The following FILIP1 variants were observed in gnomAD, a reference collection of about 807,000 sequenced individuals.
FILIP1 encodes the protein filamin-A-interacting protein 1.
Under a neutral mutation model 102.1 loss-of-function variants are expected in FILIP1, and 61 were observed. The ratio of observed to expected loss-of-function variants is 0.60; its 90% CI spans 0.49 to 0.74. The LOEUF is 0.74. Among genes scored for constraint, FILIP1 ranks in the 30% least tolerant of loss-of-function variants. The pLI is 0.00. For synonymous variants in FILIP1, 491 were observed against 526.9 expected, an observed-to-expected ratio of 0.93 and a Z score of 0.93; for missense variants, 1,314 against 1,441.2, an observed-to-expected ratio of 0.91 and a Z score of 1.43.
rs548382509 is a variant in FILIP1, at chr6:75,442,501, C to T, written c.-6-27523G>A. Among the ~76,000 whole-genome samples, 592 of 152,168 alleles carry T rather than the reference C, an allele frequency of 3.9e-3. 3 individuals are homozygous for T. The highest frequency in any genetic ancestry group is 0.014 in the African/African-American group (563 of 41,514). ...GTGAACCAGACTCCGTCTGCAATCC[C>T]GGCACCTCGGGAGGCCGAGGCTGGC... On this transcript the variant is annotated intron_variant, in intron 1 of 5. Transcript: ENST00000237172.
At chr6:75,369,443 CTTA>C in intron 2 of FILIP1, among the ~76,000 whole-genome samples, 1 of 152,158 alleles carries the variant, frequency 6.6e-6, no homozygotes, top group Non-Finnish European at 1.5e-5. Flanking sequence ...CATAAATGGG[CTTA>C]TTATGCTCAG....
At chr6:75,409,779 T>C (rs558378822) in intron 2 of FILIP1, among the ~76,000 whole-genome samples, 1 of 152,232 alleles carries the variant, frequency 6.6e-6, no homozygotes, top group African/African-American at 2.4e-5. Flanking sequence ...TTTCAGATTT[T>C]TGCATTCTGG....
At chr6:75,454,291 T>C (rs1778745227) in intron 1 of FILIP1, among the ~76,000 whole-genome samples, 1 of 152,158 alleles carries the variant, frequency 6.6e-6, no homozygotes, top group South Asian at 2.1e-4. Context: ...GAACCCTACA[T>C]CTCAACACCA....
chr6:75,382,178 G>C (rs1775924884), intron 2 of FILIP1, among the ~76,000 whole-genome samples: 1 of 152,100 alleles, frequency 6.6e-6, no homozygotes, highest in Non-Finnish European at 1.5e-5. Context: ...TTTTTCAATA[G>C]CTTCCTTAAA....
intron 1 of FILIP1, among the ~76,000 whole-genome samples, chr6:75,445,280 C>T (rs1778407820): frequency 6.6e-6 from 1 of 152,140 alleles, no homozygotes; most frequent in Non-Finnish European, 1.5e-5. Context: ...AAACTTCTTA[C>T]TCTTACAAGA....
chr6:75,332,806 A>G (rs1232045637), intron 4 of FILIP1, among the ~76,000 whole-genome samples: 2 of 152,148 alleles, frequency 1.3e-5, no homozygotes, highest in African/African-American at 2.4e-5. Context: ...CACACAGAAC[A>G]TAACAGGAGG....
chr6:75,423,954 G>A (rs545666642), intron 1 of FILIP1, among the ~76,000 whole-genome samples: 185 of 152,236 alleles, frequency 1.2e-3, no homozygotes, highest in African/African-American at 4.2e-3. Flanking sequence ...ATAAAGATGT[G>A]TTTGAGCTTA....
chr6:75,317,237 T>A (rs2149555703), intron 4 of FILIP1, among the ~76,000 whole-genome samples: 1 of 152,332 alleles, frequency 6.6e-6, no homozygotes. Context: ...TTAACCCATT[T>A]ATGCTGGAGG....
intron 5 of FILIP1, among the ~76,000 whole-genome samples, chr6:75,309,579 G>A (rs1773109689): frequency 6.6e-6 from 1 of 152,082 alleles, no homozygotes; most frequent in Admixed American, 6.5e-5. Context: ...CAAACCCTGG[G>A]ATCCCTAGGC....
intron 1 of FILIP1, among the ~76,000 whole-genome samples, chr6:75,456,717 G>C (rs1049516366): frequency 6.6e-6 from 1 of 151,758 alleles, no homozygotes; most frequent in Non-Finnish European, 1.5e-5. Context: ...ATGCCACCAC[G>C]CCCAGCTAAT....
chr6:75,480,225 T>C (rs1779610178), intron 1 of FILIP1, among the ~76,000 whole-genome samples: 1 of 151,220 alleles, frequency 6.6e-6, no homozygotes, highest in Non-Finnish European at 1.5e-5. Context: ...GAATAATTCA[T>C]ATTTCCAGTA....
chr6:75,362,535 TG>T (rs1775201893), intron 3 of FILIP1, among the ~76,000 whole-genome samples: 1 of 152,232 alleles, frequency 6.6e-6, no homozygotes, highest in Non-Finnish European at 1.5e-5. Context: ...TTTCAGGCTT[TG>T]GTATGTTTAA....
In FILIP1 at chr6:75,308,281, T is replaced by C. The variant is rs1261318462; in HGVS notation, c.*410A>G. The C allele has an allele frequency of 2.0e-6, 2 of 993,690 alleles. No homozygotes were observed. The highest frequency in any genetic ancestry group is 1.1e-4 in the East Asian group (1 of 9,364). The allele number at this position is 993,690 out of a possible 1,614,324, so 61.6% of individuals were successfully genotyped here. On this transcript the variant is annotated 3_prime_UTR_variant, in exon 6 of 6. Transcript: ENST00000237172. ...AGTTAAAGTATGTCTTATTTTGTAA[T>C]AGGATTTTTTTAATAAAAAATTATT...
intron 4 of FILIP1, among the ~76,000 whole-genome samples, chr6:75,325,465 A>T (rs1773810215): frequency 6.6e-6 from 1 of 152,230 alleles, no homozygotes; most frequent in South Asian, 2.1e-4. Context: ...CATCCCACAG[A>T]GTGGGAGAAA....
At chr6:75,296,394 T>A (rs1436786507) in intron 6 of FILIP1, 1 of 150,194 alleles carries the variant, frequency 6.7e-6, no homozygotes, top group Non-Finnish European at 1.5e-5. Flanking sequence ...GATTAGAGTT[T>A]AATAAGGAGA....
rs1775230180 is a variant in FILIP1, at chr6:75,363,309, T to C, written c.277-392A>G. ...TAGTTTTCTATTGATGTTCTCAATGTAGTATTCAAATCTGGTTTAAAATAA... is the reference window on the plus strand; with the variant it reads ...TAGTTTTCTATTGATGTTCTCAATGCAGTATTCAAATCTGGTTTAAAATAA... On this transcript the variant is annotated intron_variant, in intron 2 of 5. Coordinates refer to ENST00000237172, the MANE Select transcript of FILIP1 (RefSeq NM_015687.5). Among the ~76,000 whole-genome samples, 4 of 152,216 alleles carry C rather than the reference T, an allele frequency of 2.6e-5. No individual in the cohort carries two copies. The South Asian group carries it at 8.3e-4, about 31-fold the overall frequency.
At chr6:75,394,159 G>T (rs1444891849) in intron 2 of FILIP1, among the ~76,000 whole-genome samples, 1 of 152,066 alleles carries the variant, frequency 6.6e-6, no homozygotes, top group Non-Finnish European at 1.5e-5. Flanking sequence ...TCTAACATCT[G>T]TGTAACCAAA....
At chr6:75,440,109 GAT>G (rs1778158789) in intron 1 of FILIP1, among the ~76,000 whole-genome samples, 2 of 152,110 alleles carry the variant, frequency 1.3e-5, no homozygotes, top group Admixed American at 1.3e-4. Flanking sequence ...ACATAAATAA[GAT>G]AGGAAAATAA....
chr6:75,462,927 G>T (rs998290090), intron 1 of FILIP1, among the ~76,000 whole-genome samples: 9 of 152,148 alleles, frequency 5.9e-5, no homozygotes, highest in Non-Finnish European at 1.2e-4. Context: ...CTGGGATAGG[G>T]GAATGGGAAG....
Sources: allele counts gnomAD v4.1 joint callset (sites outside exome capture counted in the v4.1 genomes callset), GRCh38; gene constraint gnomAD v4.1.1; transcripts MANE v1.5; gene names NCBI Gene and HGNC (gene_info 2026-07-23, HGNC 2026-07-21).